The following TIRAP variants were observed in gnomAD, a reference collection of about 807,000 sequenced individuals.
The protein encoded by TIRAP is TIR domain containing adaptor protein.
TIRAP carries 20 observed loss-of-function variants against 19.8 expected under a neutral mutation model. The ratio of observed to expected loss-of-function variants is 1.01; its 90% CI spans 0.71 to 1.47. The LOEUF (loss-of-function observed/expected upper bound fraction) is 1.47. TIRAP is among the 40% of genes most tolerant of loss of function. The pLI is 0.00. For missense variants in TIRAP, 276 were observed against 285.1 expected, an observed-to-expected ratio of 0.97 and a Z score of 0.23; for synonymous variants, 125 against 121.7, an observed-to-expected ratio of 1.03 and a Z score of -0.18.
rs1390811227 is a variant in TIRAP, at chr11:126,287,736, G to T, written c.-216-2726G>T. On this transcript the variant is annotated intron_variant, in intron 1 of 4. Coordinates refer to ENST00000392679, the MANE Select transcript of TIRAP (RefSeq NM_001318777.2). The surrounding 1 kb of genome is among the most constrained non-coding windows in gnomAD (Gnocchi z 4.2). ...GGTATTGTGCTACTTCTTTTCTGAAGAAATTCTTTACTAATTTTCTTTTCT... is the reference window on the plus strand; with the variant it reads ...GGTATTGTGCTACTTCTTTTCTGAATAAATTCTTTACTAATTTTCTTTTCT... 6.6e-6 allele frequency among the ~76,000 whole-genome samples: 1 copy of T among 151,958 alleles called. No homozygotes were observed. The highest frequency in any genetic ancestry group is 2.4e-5 in the African/African-American group (1 of 41,360).
rs571798168 is a variant in TIRAP, at chr11:126,293,849, T to C, written c.*162T>C. The C allele has an allele frequency of 2.9e-4, 221 of 774,580 alleles. No homozygotes were observed. In the Middle Eastern group the frequency reaches 3.1e-3, roughly 11 times the overall value. The allele number at this position is 774,580 out of a possible 1,614,324, so 48.0% of individuals were successfully genotyped here. A position where few individuals can be genotyped will look rare whatever the true frequency, so the allele number is the denominator to read the frequency against. ...AGAGCACCCATCAGGCTTCCATTAC[T>C]GTGGGCTCCCTAAGAAGACCATGGA... On this transcript the variant is annotated 3_prime_UTR_variant, in exon 5 of 5. Transcript: ENST00000392679.
chr11:126,292,860 T>C lies in TIRAP; in HGVS notation c.451T>C (p.Phe151Leu). 1.2e-6 allele frequency: 2 copies of C among 1,613,388 alleles called. No homozygotes were observed. Among genetic ancestry groups the C allele is most frequent in the South Asian group, 1.1e-5 (1 of 91,038 alleles). ...CCGGGTGCTGCTCATCACGCCGGGC[T>C]TCCTTCAGGACCCCTGGTGCAAGTA... ...HCRVLLITPG[F>L]LQDPWCKYQM... is the part of the protein sequence containing the mutation. The change falls in exon 4 of 5, where the codon TTC (phenylalanine) becomes CTC (leucine). Residue 151 changes from phenylalanine to leucine, a missense_variant. Phe to Leu is a conservative substitution (Grantham distance 22, BLOSUM62 0). Transcript: ENST00000392679.
intron 3 of TIRAP, among the ~76,000 whole-genome samples, 177 bp from the exon 4 acceptor site, chr11:126,292,300 T>TAAAAAAA (rs1951399591): frequency 3.0e-5 from 1 of 33,026 alleles, no homozygotes; most frequent in Non-Finnish European, 7.6e-5. Context: ...AGACTCTGCC[T>TAAAAAAA]CAAAAAAAAA....
intron 3 of TIRAP, 85 bp from the exon 4 acceptor site, chr11:126,292,392 C>G: frequency 6.8e-7 from 1 of 1,472,060 alleles, no homozygotes; most frequent in African/African-American, 1.4e-5. Context: ...TGTCTGTCCT[C>G]CCTGTGAGGT....
Position 126,290,964 on chromosome 11 carries a change from G to A in TIRAP, c.67+3G>A. 2 of 1,603,166 alleles carry A rather than the reference G, an allele frequency of 1.2e-6. No homozygotes were observed. The highest frequency in any genetic ancestry group is 1.7e-6 in the Non-Finnish European group (2 of 1,174,098). On this transcript the variant is annotated splice_donor_region_variant and intron_variant, in intron 3 of 4. Coordinates refer to ENST00000392679, the MANE Select transcript of TIRAP (RefSeq NM_001318777.2). This position sits in a 1 kb window ranked among gnomAD's most constrained non-coding sequence, Gnocchi z 4.9. Reference sequence around the variant, plus strand: ...GAAGCCTCTAGGCAAGATGGCTGGTGAGTGGAACCGGACTCGCGACTCTGC... The same window carrying A: ...GAAGCCTCTAGGCAAGATGGCTGGTAAGTGGAACCGGACTCGCGACTCTGC...
intron 1 of TIRAP, among the ~76,000 whole-genome samples, chr11:126,285,260 T>TATATATATATATATATATATATAA (rs773653398): frequency 8.1e-4 from 110 of 135,414 alleles, no homozygotes; most frequent in East Asian, 4.0e-3. Context: ...TATATATATA[T>TATATATATATATATATATATATAA]AATATATATT....
At position 126,287,020 on chromosome 11, in the gene TIRAP, A is replaced by C. The variant is rs890849661; in HGVS notation, c.-216-3442A>C. Among the ~76,000 whole-genome samples, 3 of 152,200 alleles carry C rather than the reference A, an allele frequency of 2.0e-5. No individual in the cohort carries two copies. The highest frequency in any genetic ancestry group is 4.4e-5 in the Non-Finnish European group (3 of 68,028). ...CCCTCTTGAAAGGATCTTTGTGGTT[A>C]CATTAAACTCACCTGGGTAATCCAG... On this transcript the variant is annotated intron_variant, in intron 1 of 4. Transcript: ENST00000392679. This position sits in a 1 kb window ranked among gnomAD's most constrained non-coding sequence, Gnocchi z 4.2.
Position 126,287,784 on chromosome 11 carries a change from C to T in TIRAP, c.-216-2678C>T, listed in dbSNP as rs767227028. On this transcript the variant is annotated intron_variant, in intron 1 of 4. Coordinates refer to ENST00000392679, the MANE Select transcript of TIRAP (RefSeq NM_001318777.2). The surrounding 1 kb of genome is among the most constrained non-coding windows in gnomAD (Gnocchi z 4.2). ...TCTTTATTTTTTTGAGATCGAGTCTCGCTCTGTCACCCAGGCTGGAGCACA... is the reference window on the plus strand; with the variant it reads ...TCTTTATTTTTTTGAGATCGAGTCTTGCTCTGTCACCCAGGCTGGAGCACA... 3.3e-5 allele frequency among the ~76,000 whole-genome samples: 5 copies of T among 151,006 alleles called. No individual in the cohort carries two copies. Among genetic ancestry groups the T allele is most frequent in the Non-Finnish European group, 5.9e-5 (4 of 67,680 alleles).
Position 126,292,675 on chromosome 11 carries a change from G to A in TIRAP, c.266G>A (p.Cys89Tyr). The A allele has an allele frequency of 6.2e-7, 1 of 1,614,038 alleles. No individual in the cohort carries two copies. The highest frequency in any genetic ancestry group is 1.1e-5 in the South Asian group (1 of 91,052). ...SSRWSKDYDV[C>Y]VCHSEEDLVA... ...CGCTGGAGCAAAGACTATGACGTCTGCGTGTGCCACAGTGAGGAAGACCTG... is the reference window on the plus strand; with the variant it reads ...CGCTGGAGCAAAGACTATGACGTCTACGTGTGCCACAGTGAGGAAGACCTG... The change falls in exon 4 of 5, where the codon TGC (cysteine) becomes TAC (tyrosine). Residue 89 changes from cysteine (C) to tyrosine (Y), a missense_variant. Coordinates refer to ENST00000392679, the MANE Select transcript of TIRAP (RefSeq NM_001318777.2).
chr11:126,293,920 C>G lies in TIRAP; in HGVS notation c.*233C>G, dbSNP rs1951440728. ...GAAGGCCGTGAAGCTGGGGATTCCC[C>G]CTAGGAAAGCCATGAGGAAGCTGGG... On this transcript the variant is annotated 3_prime_UTR_variant, in exon 5 of 5. Transcript: ENST00000392679. The G allele has an allele frequency of 1.8e-6, 1 of 570,960 alleles. No homozygotes were observed. Among genetic ancestry groups the G allele is most frequent in the Non-Finnish European group, 3.1e-6 (1 of 320,476 alleles). The allele number at this position is 570,960 out of a possible 1,614,324, so 35.4% of individuals were successfully genotyped here. A position where few individuals can be genotyped will look rare whatever the true frequency, so the allele number is the denominator to read the frequency against.
In TIRAP at chr11:126,283,102, G is replaced by C. The variant is rs1399212656; in HGVS notation, c.-268G>C. On this transcript the variant is annotated 5_prime_UTR_variant, in exon 1 of 5. Coordinates refer to ENST00000392679, the MANE Select transcript of TIRAP (RefSeq NM_001318777.2). ...CGGGGCCTGCGCGCTGCTCTTCCCC[G>C]CGGAGCCCGCGCAGTCCGCGCAGCC... 1 of 985,126 alleles carries C rather than the reference G, an allele frequency of 1.0e-6. No homozygotes were observed. The highest frequency in any genetic ancestry group is 1.7e-5 in the African/African-American group (1 of 57,196). The allele number at this position is 985,126 out of a possible 1,614,324, so 61.0% of individuals were successfully genotyped here.
chr11:126,291,153 C>T lies in TIRAP; in HGVS notation c.67+192C>T. ...GGAGGGGAGGCCTGCGTCAGCTCAG[C>T]CAGATCTTTATCCTTTTGGCTCAAA... is the stretch of plus-strand genomic sequence containing the variant. On this transcript the variant is annotated intron_variant, in intron 3 of 4. Transcript: ENST00000392679. The surrounding 1 kb of genome is among the most constrained non-coding windows in gnomAD (Gnocchi z 5.6). The T allele has an allele frequency of 1.4e-6, 1 of 722,876 alleles. No homozygotes were observed. Among genetic ancestry groups the T allele is most frequent in the South Asian group, 1.9e-5 (1 of 51,980 alleles). 44.8% of individuals were successfully genotyped at this position (722,876 alleles called of 1,614,324 possible).
At chr11:126,284,905 A>G (rs1221290972) in intron 1 of TIRAP, among the ~76,000 whole-genome samples, 1 of 151,512 alleles carries the variant, frequency 6.6e-6, no homozygotes, top group Non-Finnish European at 1.5e-5. Flanking sequence ...TATTCGTAGG[A>G]CTGAAATTGC....
chr11:126,287,025 A>G lies in TIRAP; in HGVS notation c.-216-3437A>G, dbSNP rs1951329776. Among the ~76,000 whole-genome samples the G allele has an allele frequency of 1.3e-5, 2 of 152,156 alleles. No individual in the cohort carries two copies. The highest frequency in any genetic ancestry group is 4.8e-5 in the African/African-American group (2 of 41,438). On this transcript the variant is annotated intron_variant, in intron 1 of 4. Coordinates refer to ENST00000392679, the MANE Select transcript of TIRAP (RefSeq NM_001318777.2). This position sits in a 1 kb window ranked among gnomAD's most constrained non-coding sequence, Gnocchi z 4.2. ...TTGAAAGGATCTTTGTGGTTACATT[A>G]AACTCACCTGGGTAATCCAGGAATC...
In TIRAP at chr11:126,287,750, A is replaced by G. The variant is rs150079666; in HGVS notation, c.-216-2712A>G. Among the ~76,000 whole-genome samples, 2,871 of 151,296 alleles carry G rather than the reference A, an allele frequency of 0.019. 39 individuals carry two copies. Among genetic ancestry groups the G allele is most frequent in the Non-Finnish European group, 0.028 (1,905 of 67,826 alleles). On this transcript the variant is annotated intron_variant, in intron 1 of 4. Coordinates refer to ENST00000392679, the MANE Select transcript of TIRAP (RefSeq NM_001318777.2). The surrounding 1 kb of genome is among the most constrained non-coding windows in gnomAD (Gnocchi z 4.2). ...TCTTTTCTGAAGAAATTCTTTACTA[A>G]TTTTCTTTTCTTTATTTTTTTGAGA...
rs1951392977 is a variant in TIRAP, at chr11:126,291,833, A to G, written c.68-644A>G. Among the ~76,000 whole-genome samples, 1 of 151,902 alleles carries G rather than the reference A, an allele frequency of 6.6e-6. No individual in the cohort carries two copies. The highest frequency in any genetic ancestry group is 2.4e-5 in the African/African-American group (1 of 41,234). On this transcript the variant is annotated intron_variant, in intron 3 of 4. Transcript: ENST00000392679. This position sits in a 1 kb window ranked among gnomAD's most constrained non-coding sequence, Gnocchi z 5.6. ...GGTTGACTAGTCAGCTCTAGTGGGA[A>G]GTTCTGCTTAAGGTGGGCTGGGCTG...
At chr11:126,289,817 G>A (rs1037047125) in intron 1 of TIRAP, 8 of 985,258 alleles carry the variant, frequency 8.1e-6, no homozygotes, top group South Asian at 9.4e-5. Context: ...CTGTCACTAC[G>A]GTGGGAAAAG....
At position 126,293,958 on chromosome 11, in the gene TIRAP, A is replaced by G; in HGVS notation, c.*271A>G. The G allele has an allele frequency of 1.9e-6, 1 of 518,012 alleles. No individual in the cohort carries two copies. Among genetic ancestry groups the G allele is most frequent in the African/African-American group, 1.9e-5 (1 of 52,328 alleles). 32.1% of individuals were successfully genotyped at this position (518,012 alleles called of 1,614,324 possible). A position where few individuals can be genotyped will look rare whatever the true frequency, so the allele number is the denominator to read the frequency against. On this transcript the variant is annotated 3_prime_UTR_variant, in exon 5 of 5. Coordinates refer to ENST00000392679, the MANE Select transcript of TIRAP (RefSeq NM_001318777.2). ...TGAGGAAGCTGGGGACTCCCCAAGAAGGCCATGAGGAAGCCAGAAATTGGA... is the reference window on the plus strand; with the variant it reads ...TGAGGAAGCTGGGGACTCCCCAAGAGGGCCATGAGGAAGCCAGAAATTGGA...
In TIRAP at chr11:126,290,525, T is replaced by G; in HGVS notation, c.-153T>G. The G allele has an allele frequency of 2.0e-6, 2 of 1,017,182 alleles. No individual in the cohort carries two copies. Among genetic ancestry groups the G allele is most frequent in the Non-Finnish European group, 1.2e-6 (1 of 851,400 alleles). The allele number at this position is 1,017,182 out of a possible 1,614,324, so 63.0% of individuals were successfully genotyped here. A position where few individuals can be genotyped will look rare whatever the true frequency, so the allele number is the denominator to read the frequency against. On this transcript the variant is annotated 5_prime_UTR_variant, in exon 2 of 5. Coordinates refer to ENST00000392679, the MANE Select transcript of TIRAP (RefSeq NM_001318777.2). This position sits in a 1 kb window ranked among gnomAD's most constrained non-coding sequence, Gnocchi z 4.9. ...GCTGCCCTTCCCCAGATCCCGAATATCCTCCTGGCCAGGTGGAGCAGAGAA... is the reference window on the plus strand; with the variant it reads ...GCTGCCCTTCCCCAGATCCCGAATAGCCTCCTGGCCAGGTGGAGCAGAGAA...
Sources: allele counts gnomAD v4.1 joint callset (sites outside exome capture counted in the v4.1 genomes callset), GRCh38; gene constraint gnomAD v4.1.1; non-coding constraint Gnocchi (gnomAD v3.1); transcripts MANE v1.5; gene names NCBI Gene and HGNC (gene_info 2026-07-23, HGNC 2026-07-21).